Variants in SLC12A1 observed in about 807,000 individuals in gnomAD.
The protein encoded by SLC12A1 is Na-K-2Cl cotransporter.
SLC12A1 carries 89 observed loss-of-function variants against 130.4 expected under a neutral mutation model. The observed-to-expected ratio is 0.68, with a 90% CI of 0.58 to 0.81. SLC12A1 has a LOEUF of 0.81. Among genes scored for constraint, SLC12A1 ranks in the 40% least tolerant of loss-of-function variants. SLC12A1 has a pLI of 0.00. For missense variants in SLC12A1, 1,310 were observed against 1,336.4 expected, an observed-to-expected ratio of 0.98 and a Z score of 0.31; for synonymous variants, 499 against 460.0, an observed-to-expected ratio of 1.08 and a Z score of -1.09.
intron 24 of SLC12A1, among the ~76,000 whole-genome samples, chr15:48,296,604 AG>A (rs2042179502): frequency 6.6e-6 from 1 of 152,202 alleles, no homozygotes. Context: ...ATGTGGACTT[AG>A]GGGGAAAATA....
intron 10 of SLC12A1, among the ~76,000 whole-genome samples, chr15:48,243,129 C>T (rs1188081057): frequency 6.6e-6 from 1 of 151,994 alleles, no homozygotes; most frequent in Non-Finnish European, 1.5e-5. Flanking sequence ...GGCTCTTGGC[C>T]TGGCTTCATG....
At chr15:48,235,699 C>T (rs2041431926) in intron 9 of SLC12A1, among the ~76,000 whole-genome samples, 2 of 149,634 alleles carry the variant, frequency 1.3e-5, no homozygotes, top group Admixed American at 1.4e-4. Flanking sequence ...TTGATATACT[C>T]ATAAATAAAT....
At chr15:48,219,148 T>TC (rs1355921533) in intron 2 of SLC12A1, among the ~76,000 whole-genome samples, 2 of 152,354 alleles carry the variant, frequency 1.3e-5, no homozygotes, top group Admixed American at 1.3e-4. Flanking sequence ...GGCAAAGGCA[T>TC]AACGGAATCT....
intron 2 of SLC12A1, among the ~76,000 whole-genome samples, chr15:48,218,818 C>A (rs926522492): frequency 1.3e-5 from 2 of 152,120 alleles, no homozygotes; most frequent in African/African-American, 4.8e-5. Flanking sequence ...GAAGTACAGT[C>A]TACACAAAGG....
chr15:48,221,570 G>A (rs1026425249), intron 4 of SLC12A1: 1 of 444,744 alleles, frequency 2.2e-6, no homozygotes, highest in Non-Finnish European at 4.0e-6. Flanking sequence ...GTGCATTACT[G>A]TTATTTTTTT....
At position 48,277,663 on chromosome 15, in the gene SLC12A1, A is replaced by C. The variant is rs80101430; in HGVS notation, c.2485+3010A>C. On this transcript the variant is annotated intron_variant, in intron 20 of 26. Transcript: ENST00000380993. The stretch of plus-strand genomic sequence containing the variant: ...GTCTCCAAGGTACAGGAGCGGCATC[A>C]GGGTATTTCTGAGAGTAGGTTCAGC... Among the ~76,000 whole-genome samples the C allele has an allele frequency of 7.8e-3, 1,188 of 152,350 alleles. 52 individuals carry two copies. The East Asian group carries it at 0.11, about 14-fold the overall frequency.
At chr15:48,299,019 A>G in intron 24 of SLC12A1, 121 bp from the exon 25 acceptor site, 1 of 852,410 alleles carries the variant, frequency 1.2e-6, no homozygotes, top group Non-Finnish European at 1.8e-6. Context: ...ATAATTCTTA[A>G]AAGATTTGCA....
intron 13 of SLC12A1, among the ~76,000 whole-genome samples, chr15:48,247,853 G>A (rs1177309872): frequency 2.0e-5 from 3 of 152,132 alleles, no homozygotes; most frequent in African/African-American, 7.2e-5. Context: ...GCAATCACCT[G>A]GGGTGTTTGG....
At chr15:48,266,712 G>T (rs2141086317) in intron 17 of SLC12A1, among the ~76,000 whole-genome samples, 1 of 152,164 alleles carries the variant, frequency 6.6e-6, no homozygotes, top group East Asian at 1.9e-4. Context: ...AAATGGATTT[G>T]TACCCTGTCA....
intron 24 of SLC12A1, among the ~76,000 whole-genome samples, chr15:48,293,517 C>A (rs982237453): frequency 3.3e-5 from 5 of 152,126 alleles, no homozygotes; most frequent in African/African-American, 4.8e-5. Context: ...TTTCTGTTGA[C>A]CATCATTTCT....
At chr15:48,253,540 G>A (rs1420719716) in intron 15 of SLC12A1, among the ~76,000 whole-genome samples, 1 of 152,196 alleles carries the variant, frequency 6.6e-6, no homozygotes, top group Non-Finnish European at 1.5e-5. Context: ...GTATCACTGA[G>A]TAGTATTCTA....
chr15:48,207,954 A>T lies in SLC12A1; in HGVS notation c.235A>T (p.Thr79Ser). The stretch of plus-strand genomic sequence containing the variant: ...TGACAATTTCCTCCAAAGTGGAGAA[A>T]CTGCTAAAACAGATGCCAGTTTTCA... ...CYDNFLQSGE[T>S]AKTDASFHAY... The change falls in exon 2 of 27, where the codon ACT (threonine) becomes TCT (serine). Residue 79 changes from threonine to serine, a missense_variant. By Grantham distance (58) the Thr-to-Ser change is moderately conservative. Transcript: ENST00000380993. The T allele has an allele frequency of 6.2e-7, 1 of 1,613,982 alleles. No individual in the cohort carries two copies. The highest frequency in any genetic ancestry group is 8.5e-7 in the Non-Finnish European group (1 of 1,179,894).
chr15:48,269,875 G>A (rs1232517876), intron 19 of SLC12A1, 111 bp downstream of exon 19: 2 of 538,400 alleles, frequency 3.7e-6, no homozygotes, highest in Non-Finnish European at 6.7e-6. Context: ...CCTGAGAAGA[G>A]TACATTCCCC....
chr15:48,234,643 G>A (rs1000745258), intron 8 of SLC12A1, among the ~76,000 whole-genome samples: 1 of 151,956 alleles, frequency 6.6e-6, no homozygotes, highest in Non-Finnish European at 1.5e-5. Flanking sequence ...ACTTGCGGGG[G>A]CCGAGGCAGG....
Position 48,221,471 on chromosome 15 carries a change from T to A in SLC12A1, c.628+475T>A. On this transcript the variant is annotated intron_variant, in intron 4 of 26. Coordinates refer to ENST00000380993, the MANE Select transcript of SLC12A1 (RefSeq NM_000338.3). Reference sequence around the variant, plus strand: ...TTTCCAAAGAAAATAATTGTGTTACTTTCGGGTACCAGCAGTAAGAAAACA... The same window carrying A: ...TTTCCAAAGAAAATAATTGTGTTACATTCGGGTACCAGCAGTAAGAAAACA... 4.4e-6 allele frequency: 3 copies of A among 680,486 alleles called. No individual in the cohort carries two copies. In the East Asian group the frequency reaches 8.1e-5, roughly 18 times the overall value. The allele number at this position is 680,486 out of a possible 1,614,324, so 42.2% of individuals were successfully genotyped here.
At chr15:48,215,750 C>T (rs2041113372) in intron 2 of SLC12A1, among the ~76,000 whole-genome samples, 1 of 152,170 alleles carries the variant, frequency 6.6e-6, no homozygotes, top group South Asian at 2.1e-4. Context: ...GTTTGCTTTG[C>T]CATGTCAGAA....
chr15:48,291,088 AATAG>A (rs1251274214), intron 23 of SLC12A1, among the ~76,000 whole-genome samples: 3 of 151,920 alleles, frequency 2.0e-5, no homozygotes, highest in African/African-American at 4.8e-5. Context: ...GATAGAAGTA[AATAG>A]ATAGATAAAT....
At chr15:48,208,381 G>A (rs1323312378) in intron 2 of SLC12A1, among the ~76,000 whole-genome samples, 1 of 151,864 alleles carries the variant, frequency 6.6e-6, no homozygotes, top group Non-Finnish European at 1.5e-5. Flanking sequence ...CTGAAGTGTG[G>A]TGGACACTGC....
chr15:48,272,370 G>C (rs2041907042), intron 19 of SLC12A1, among the ~76,000 whole-genome samples: 1 of 152,000 alleles, frequency 6.6e-6, no homozygotes. Context: ...ATTTTTCTTT[G>C]AATAAAAGAT....
Sources: gnomAD v4.1 joint callset for allele counts (sites outside exome capture counted in the v4.1 genomes callset) on GRCh38, gnomAD v4.1.1 for gene constraint, MANE v1.5 for transcripts, NCBI Gene and HGNC (gene_info 2026-07-23, HGNC 2026-07-21) for gene names.